Variants in IDO1 observed in about 807,000 individuals in gnomAD.
IDO1 encodes indolamine 2,3 dioxygenase.
Under a neutral mutation model 38.8 loss-of-function variants are expected in IDO1, and 35 were observed. That is an observed-to-expected ratio of 0.90 (90% CI 0.69 to 1.20). The LOEUF (loss-of-function observed/expected upper bound fraction) is 1.20, where lower values mean the gene tolerates loss of function less well. Among genes scored for constraint, IDO1 ranks in the 50% most tolerant of loss-of-function variants. IDO1 has a pLI of 0.00. For synonymous variants in IDO1, 171 were observed against 170.0 expected (o/e 1.01, Z -0.05); for missense variants, 509 against 485.1 (o/e 1.05, Z -0.46).
At chr8:39,925,983 C>T (rs1017895014) in intron 9 of IDO1, among the ~76,000 whole-genome samples, 5 of 151,632 alleles carry the variant, frequency 3.3e-5, no homozygotes, top group African/African-American at 1.2e-4. Flanking sequence ...ATCAGGAGAT[C>T]GAGACCATCC....
intron 7 of IDO1, among the ~76,000 whole-genome samples, chr8:39,924,280 T>C (rs1179727684): frequency 6.6e-6 from 1 of 152,040 alleles, no homozygotes; most frequent in East Asian, 1.9e-4. Context: ...GGTGGGAAGA[T>C]TGCTTGAGCC....
intron 1 of IDO1, 68 bp downstream of exon 1, chr8:39,914,077 T>G (rs1807137202): frequency 9.0e-7 from 1 of 1,113,250 alleles, no homozygotes; most frequent in Non-Finnish European, 1.3e-6. Context: ...CCAAGTTAAC[T>G]TCTACTGAAC....
At chr8:39,927,591 A>G (rs1347097130) in intron 9 of IDO1, among the ~76,000 whole-genome samples, 1 of 151,738 alleles carries the variant, frequency 6.6e-6, no homozygotes, top group East Asian at 1.9e-4. Flanking sequence ...AAACAAAAAT[A>G]CTTATTGTGA....
At chr8:39,917,232 A>G (rs1421446586) in intron 1 of IDO1, among the ~76,000 whole-genome samples, 3 of 152,262 alleles carry the variant, frequency 2.0e-5, no homozygotes, top group Non-Finnish European at 4.4e-5. Context: ...GCAGTGGCTC[A>G]TGCCTGTAAT....
intron 5 of IDO1, among the ~76,000 whole-genome samples, 160 bp downstream of exon 5, chr8:39,920,274 A>G (rs1458035854): frequency 6.6e-6 from 1 of 152,226 alleles, no homozygotes; most frequent in Non-Finnish European, 1.5e-5. Context: ...TCAGTCTTTA[A>G]TTGTATCTAT....
chr8:39,914,067 C>T (rs1586207626), intron 1 of IDO1, 58 bp downstream of exon 1: 2 of 1,224,834 alleles, frequency 1.6e-6, no homozygotes, highest in Non-Finnish European at 2.4e-6. Flanking sequence ...CCTTACCTGG[C>T]CAAGTTAACT....
At position 39,923,526 on chromosome 8, in the gene IDO1, G is replaced by A. The variant is rs375907817; in HGVS notation, c.595G>A (p.Ala199Thr). The A allele has an allele frequency of 1.1e-5, 17 of 1,613,662 alleles. No individual in the cohort carries two copies. The highest frequency in any genetic ancestry group is 1.4e-5 in the Non-Finnish European group (17 of 1,179,722). Residue 199 changes from alanine (A) to threonine (T), a missense_variant, in exon 7 of 10, where the codon GCG becomes ACG. Coordinates refer to ENST00000518237, the MANE Select transcript of IDO1 (RefSeq NM_002164.6). ...GCAAGAACGGGACACTTTGCTAAAG[G>A]CGCTGTTGGAAATAGCTTCTTGCTT... Reference protein sequence around the residue: ...QMQERDTLLKALLEIASCLEK... With the variant: ...QMQERDTLLKTLLEIASCLEK...
intron 1 of IDO1, among the ~76,000 whole-genome samples, chr8:39,917,109 A>G (rs894604173): frequency 6.6e-6 from 1 of 152,218 alleles, no homozygotes; most frequent in Admixed American, 6.5e-5. Flanking sequence ...TCTTTTATAT[A>G]TATGAAATTA....
At position 39,928,441 on chromosome 8, in the gene IDO1, T is replaced by A; in HGVS notation, c.*256T>A. On this transcript the variant is annotated 3_prime_UTR_variant, in exon 10 of 10. Transcript: ENST00000518237. ...ATTCAATAAATAAAAATGCATAAGATATATTCTGTCGGCTGGGCGCGGTGG... is the reference window on the plus strand; with the variant it reads ...ATTCAATAAATAAAAATGCATAAGAAATATTCTGTCGGCTGGGCGCGGTGG... The A allele has an allele frequency of 3.0e-6, 1 of 338,530 alleles. No homozygotes were observed. The highest frequency in any genetic ancestry group is 5.4e-6 in the Non-Finnish European group (1 of 184,016). The allele number at this position is 338,530 out of a possible 1,614,324, so 21.0% of individuals were successfully genotyped here. A position where few individuals can be genotyped will look rare whatever the true frequency, so the allele number is the denominator to read the frequency against.
intron 5 of IDO1, among the ~76,000 whole-genome samples, chr8:39,921,569 A>C (rs1371805602): frequency 6.6e-6 from 1 of 151,738 alleles, no homozygotes; most frequent in African/African-American, 2.4e-5. Context: ...GGATGACATC[A>C]GCAGTCAGTC....
chr8:39,923,410 A>G (rs1807306666), intron 6 of IDO1, 59 bp from the exon 7 acceptor site: 2 of 1,093,294 alleles, frequency 1.8e-6, no homozygotes, highest in Non-Finnish European at 2.7e-6. Flanking sequence ...TCTCAAAAAA[A>G]AAAAAAAAAA....
chr8:39,921,592 T>G (rs1384602723), intron 5 of IDO1, among the ~76,000 whole-genome samples: 3 of 152,164 alleles, frequency 2.0e-5, no homozygotes, highest in Admixed American at 2.0e-4. Context: ...ACTTTACAGA[T>G]GAGAACACCA....
chr8:39,921,139 T>C (rs1267220682), intron 5 of IDO1, among the ~76,000 whole-genome samples: 1 of 152,086 alleles, frequency 6.6e-6, no homozygotes, highest in Non-Finnish European at 1.5e-5. Flanking sequence ...AGCTGAAGGA[T>C]GGCTAATGTC....
intron 8 of IDO1, 115 bp downstream of exon 8, chr8:39,924,887 T>A (rs1404628021): frequency 3.8e-6 from 3 of 796,220 alleles, no homozygotes; most frequent in Non-Finnish European, 6.4e-6. Flanking sequence ...CATCCAAAAA[T>A]TCACATGGTA....
At position 39,927,986 on chromosome 8, in the gene IDO1, C is replaced by A; in HGVS notation, c.1013C>A (p.Ala338Asp). 1 of 1,605,206 alleles carries A rather than the reference C, an allele frequency of 6.2e-7. No homozygotes were observed. Among genetic ancestry groups the A allele is most frequent in the Non-Finnish European group, 8.5e-7 (1 of 1,175,866 alleles). ...LREAYDACVK[A>D]LVSLRSYHLQ... Reference sequence around the variant, plus strand: ...GAAGCTTATGACGCCTGTGTGAAAGCTCTGGTCTCCCTGAGGAGCTACCAT... The same window carrying A: ...GAAGCTTATGACGCCTGTGTGAAAGATCTGGTCTCCCTGAGGAGCTACCAT... The change falls in exon 10 of 10, where the codon GCT (alanine) becomes GAT (aspartate). Residue 338 changes from alanine (A) to aspartate (D), a missense_variant. Coordinates refer to ENST00000518237, the MANE Select transcript of IDO1 (RefSeq NM_002164.6).
In IDO1 at chr8:39,917,981, T is replaced by C. The variant is rs200875706; in HGVS notation, c.183+11T>C. ...GAAAGAGTTGAGAAGGTTTGACATA[T>C]GTATTACATTTGTCTTCTTGTATAG... On this transcript the variant is annotated intron_variant, in intron 2 of 9. Transcript: ENST00000518237. 1.9e-6 allele frequency: 3 copies of C among 1,611,562 alleles called. No individual in the cohort carries two copies. Among genetic ancestry groups the C allele is most frequent in the Admixed American group, 3.3e-5 (2 of 59,994 alleles).
Position 39,927,920 on chromosome 8 carries a change from T to C in IDO1, c.947T>C (p.Val316Ala). 1 of 1,607,692 alleles carries C rather than the reference T, an allele frequency of 6.2e-7. No individual in the cohort carries two copies. The highest frequency in any genetic ancestry group is 8.5e-7 in the Non-Finnish European group (1 of 1,176,984). Residue 316 changes from valine to alanine, a missense_variant, in exon 10 of 10, where the codon GTC (valine) becomes GCC (alanine). Coordinates refer to ENST00000518237, the MANE Select transcript of IDO1 (RefSeq NM_002164.6). ...FLCSLESNPS[V>A]REFVLSKGDA... ...TGCTCATTAGAGTCAAATCCCTCAG[T>C]CCGTGAGTTTGTCCTTTCAAAAGGT...
intron 4 of IDO1, 161 bp downstream of exon 4, chr8:39,919,094 T>A: frequency 2.7e-6 from 2 of 748,866 alleles, no homozygotes; most frequent in Admixed American, 1.7e-5. Context: ...GACTGCTGTG[T>A]CTACCACTAC....
chr8:39,927,971 A>G lies in IDO1; in HGVS notation c.998A>G (p.Asp333Gly), dbSNP rs1212415937. Residue 333 changes from aspartate to glycine, a missense_variant, in exon 10 of 10, where the codon GAC becomes GGC. Physicochemically the swap from Asp to Gly is moderately conservative, Grantham distance 94. Coordinates refer to ENST00000518237, the MANE Select transcript of IDO1 (RefSeq NM_002164.6). ...GATGCTGGCCTGCGGGAAGCTTATGACGCCTGTGTGAAAGCTCTGGTCTCC... is the reference window on the plus strand; with the variant it reads ...GATGCTGGCCTGCGGGAAGCTTATGGCGCCTGTGTGAAAGCTCTGGTCTCC... ...KGDAGLREAYDACVKALVSLR... is the reference protein window; with the variant it reads ...KGDAGLREAYGACVKALVSLR... 2 of 1,604,824 alleles carry G rather than the reference A, an allele frequency of 1.2e-6. No homozygotes were observed. The highest frequency in any genetic ancestry group is 1.1e-5 in the South Asian group (1 of 89,280).
Sources: gnomAD v4.1 joint callset for allele counts (sites outside exome capture counted in the v4.1 genomes callset) on GRCh38, gnomAD v4.1.1 for gene constraint, MANE v1.5 for transcripts, NCBI Gene and HGNC (gene_info 2026-07-23, HGNC 2026-07-21) for gene names.